PPP1R16B: variants seen among roughly 807,000 people sequenced by gnomAD.
The protein encoded by PPP1R16B is protein phosphatase 1 regulatory inhibitor subunit 16B.
In PPP1R16B, 14 loss-of-function variants were observed where a neutral mutation model predicts 61.7. The observed-to-expected ratio is 0.23, with a 90% CI of 0.15 to 0.35. PPP1R16B has a LOEUF of 0.35. Among genes scored for constraint, PPP1R16B ranks in the 10% least tolerant of loss-of-function variants. The probability of loss-of-function intolerance (pLI) is 1.00; values close to 1 mark genes in which losing one functional copy is unlikely to be tolerated. For missense variants in PPP1R16B, 547 were observed against 752.5 expected, an observed-to-expected ratio of 0.73 and a Z score of 3.19; for synonymous variants, 266 against 305.3, an observed-to-expected ratio of 0.87 and a Z score of 1.34.
chr20:38,841,494 C>T (rs2084909139), intron 2 of PPP1R16B, among the ~76,000 whole-genome samples: 1 of 151,818 alleles, frequency 6.6e-6, no homozygotes, highest in South Asian at 2.1e-4. Context: ...AACCACTGCA[C>T]TCTAGCCTGG....
chr20:38,822,788 G>A (rs2084781260), intron 1 of PPP1R16B, among the ~76,000 whole-genome samples: 1 of 152,178 alleles, frequency 6.6e-6, no homozygotes. Context: ...GTTACTTATT[G>A]TTGGCATCAA....
chr20:38,834,551 A>G (rs2084857115), intron 1 of PPP1R16B, among the ~76,000 whole-genome samples: 1 of 152,220 alleles, frequency 6.6e-6, no homozygotes, highest in Admixed American at 6.5e-5. Context: ...GGTCATCCAA[A>G]GAGAGAAACT....
chr20:38,846,828 A>AC (rs1309685275), intron 2 of PPP1R16B, among the ~76,000 whole-genome samples: 3 of 150,928 alleles, frequency 2.0e-5, no homozygotes, highest in South Asian at 2.1e-4. Context: ...ACATAGTGAG[A>AC]CCCCATATCT....
At chr20:38,867,297 G>A (rs1483073700) in intron 2 of PPP1R16B, among the ~76,000 whole-genome samples, 2 of 152,192 alleles carry the variant, frequency 1.3e-5, no homozygotes, top group African/African-American at 4.8e-5. Context: ...ACGAGGTGGG[G>A]AGTGATTCTG....
chr20:38,812,971 C>T (rs571086485), intron 1 of PPP1R16B, among the ~76,000 whole-genome samples: 1 of 152,232 alleles, frequency 6.6e-6, no homozygotes, highest in African/African-American at 2.4e-5. Context: ...TTCTACCAAG[C>T]TCCCAGGGGG....
chr20:38,860,168 G>A (rs190505037), intron 2 of PPP1R16B, among the ~76,000 whole-genome samples: 9 of 152,026 alleles, frequency 5.9e-5, no homozygotes, highest in Admixed American at 2.0e-4. Context: ...GGGTTTCACC[G>A]TGTTGGTCAG....
intron 10 of PPP1R16B, among the ~76,000 whole-genome samples, chr20:38,911,598 G>A (rs755983452): frequency 6.7e-5 from 10 of 149,944 alleles, no homozygotes; most frequent in Admixed American, 2.7e-4. Context: ...GTGCAGTGGC[G>A]TGCTCTTGGC....
intron 2 of PPP1R16B, among the ~76,000 whole-genome samples, chr20:38,841,245 C>T (rs903176875): frequency 1.1e-4 from 17 of 151,732 alleles, no homozygotes; most frequent in African/African-American, 3.6e-4. Context: ...ACATTGCCAT[C>T]GCTGAGTGGT....
intron 2 of PPP1R16B, among the ~76,000 whole-genome samples, chr20:38,851,249 G>A (rs1023782392): frequency 3.3e-5 from 5 of 152,012 alleles, no homozygotes; most frequent in Non-Finnish European, 7.4e-5. Flanking sequence ...TGGATCACCA[G>A]AGGTCAGGAG....
intron 1 of PPP1R16B, among the ~76,000 whole-genome samples, chr20:38,827,189 A>G (rs961859549): frequency 1.3e-5 from 2 of 152,052 alleles, no homozygotes; most frequent in African/African-American, 4.8e-5. Context: ...TCATATTACC[A>G]TGCCTAAGCC....
chr20:38,851,943 G>A (rs1366226039), intron 2 of PPP1R16B, among the ~76,000 whole-genome samples: 1 of 152,200 alleles, frequency 6.6e-6, no homozygotes, highest in African/African-American at 2.4e-5. Context: ...TGAGGCCGGA[G>A]AATTGCTTAA....
At chr20:38,891,921 A>G (rs751990714) in intron 3 of PPP1R16B, among the ~76,000 whole-genome samples, 1 of 152,200 alleles carries the variant, frequency 6.6e-6, no homozygotes, top group Non-Finnish European at 1.5e-5. Flanking sequence ...TGCACAGTAC[A>G]ATAGCCACCA....
At chr20:38,847,722 G>C (rs1432254673) in intron 2 of PPP1R16B, among the ~76,000 whole-genome samples, 1 of 152,132 alleles carries the variant, frequency 6.6e-6, no homozygotes, top group African/African-American at 2.4e-5. Context: ...GTTTATGTTT[G>C]TGTGTGTGAG....
At chr20:38,848,061 C>T (rs912577579) in intron 2 of PPP1R16B, among the ~76,000 whole-genome samples, 18 of 152,138 alleles carry the variant, frequency 1.2e-4, no homozygotes, top group Non-Finnish European at 2.2e-4. Context: ...CATTCATTTA[C>T]ATATTATCTA....
intron 2 of PPP1R16B, among the ~76,000 whole-genome samples, chr20:38,855,832 A>G (rs1196868190): frequency 6.7e-6 from 1 of 149,442 alleles, no homozygotes; most frequent in Non-Finnish European, 1.5e-5. Flanking sequence ...CCCAGACTAA[A>G]GGCCTCAAAG....
At chr20:38,834,872 CAA>C (rs906536636) in intron 1 of PPP1R16B, among the ~76,000 whole-genome samples, 5 of 151,380 alleles carry the variant, frequency 3.3e-5, no homozygotes, top group African/African-American at 9.7e-5. Context: ...TTTTTCAAAA[CAA>C]AAAAAATTTA....
At chr20:38,886,702 C>A (rs566099629) in intron 2 of PPP1R16B, among the ~76,000 whole-genome samples, 2 of 152,246 alleles carry the variant, frequency 1.3e-5, no homozygotes, top group East Asian at 1.9e-4. Flanking sequence ...CTGCCTGCTA[C>A]AGACATGAGT....
At chr20:38,858,238 T>C (rs2085021953) in intron 2 of PPP1R16B, among the ~76,000 whole-genome samples, 1 of 152,136 alleles carries the variant, frequency 6.6e-6, no homozygotes. Context: ...GGGAACACAG[T>C]GTAGTCTATA....
rs139649865 is a variant in PPP1R16B, at chr20:38,854,007, G to A, written c.250+17832G>A. On this transcript the variant is annotated intron_variant, in intron 2 of 10. Coordinates refer to ENST00000299824, the MANE Select transcript of PPP1R16B (RefSeq NM_015568.4). ...GGGAAGAGTCTATACAAGCGCTTGG[G>A]TACTGAAAGGCATGATTCATTGGGG... 9.6e-3 allele frequency among the ~76,000 whole-genome samples: 1,465 copies of A among 152,276 alleles called. 10 individuals carry two copies. The highest frequency in any genetic ancestry group is 0.027 in the Middle Eastern group (8 of 294).
Sources: allele counts gnomAD v4.1 joint callset (sites outside exome capture counted in the v4.1 genomes callset), GRCh38; gene constraint gnomAD v4.1.1; transcripts MANE v1.5; gene names NCBI Gene and HGNC (gene_info 2026-07-23, HGNC 2026-07-21).